Variants in VAV2 observed in about 807,000 individuals in gnomAD.
VAV2 encodes the protein vav guanine nucleotide exchange factor 2.
VAV2 carries 67 observed loss-of-function variants against 132.5 expected under a neutral mutation model. The observed-to-expected ratio is 0.51, with a 90% CI of 0.42 to 0.62. The LOEUF is 0.62. Ranked by LOEUF, VAV2 falls within the 20% of genes least tolerant of loss-of-function variation. The pLI is 0.00. For synonymous variants in VAV2, 492 were observed against 443.5 expected, an observed-to-expected ratio of 1.11 and a Z score of -1.37; for missense variants, 938 against 1,153.6, an observed-to-expected ratio of 0.81 and a Z score of 2.71.
chr9:133,857,539 G>A lies in VAV2; in HGVS notation c.380+3835C>T, dbSNP rs1837431118. Reference sequence around the variant, plus strand: ...GAGATTCTTCAGGGCTGTGGGCTTGGCTTGTGGGTTTTCAAGAAGGAAAGG... The same window carrying A: ...GAGATTCTTCAGGGCTGTGGGCTTGACTTGTGGGTTTTCAAGAAGGAAAGG... On this transcript the variant is annotated intron_variant, in intron 3 of 29. Coordinates refer to ENST00000371850, the MANE Select transcript of VAV2 (RefSeq NM_001134398.2). This position sits in a 1 kb window ranked among gnomAD's most constrained non-coding sequence, Gnocchi z 4.0. 6.6e-6 allele frequency among the ~76,000 whole-genome samples: 1 copy of A among 152,124 alleles called. No individual in the cohort carries two copies. Among genetic ancestry groups the A allele is most frequent in the African/African-American group, 2.4e-5 (1 of 41,414 alleles).
chr9:133,945,390 GCT>G (rs1841322566), intron 1 of VAV2, among the ~76,000 whole-genome samples: 1 of 152,228 alleles, frequency 6.6e-6, no homozygotes, highest in Non-Finnish European at 1.5e-5. Context: ...AGAGGAGGGG[GCT>G]GACCTGATTG....
chr9:133,901,020 C>T (rs1839421081), intron 2 of VAV2, among the ~76,000 whole-genome samples: 1 of 151,816 alleles, frequency 6.6e-6, no homozygotes, highest in Non-Finnish European at 1.5e-5. Context: ...GGCTGGTCTC[C>T]AACTCCTGAC....
intron 3 of VAV2, among the ~76,000 whole-genome samples, chr9:133,837,652 T>C (rs1836524023): frequency 6.6e-6 from 1 of 150,558 alleles, no homozygotes; most frequent in Non-Finnish European, 1.5e-5. Flanking sequence ...TGAGCCAAGA[T>C]CGTGCCATTT....
intron 2 of VAV2, among the ~76,000 whole-genome samples, chr9:133,866,839 T>C (rs542504526): frequency 6.6e-6 from 1 of 151,578 alleles, no homozygotes; most frequent in South Asian, 2.1e-4. Context: ...CCTGCCAATT[T>C]TGCCATTATG....
At chr9:133,832,597 C>T (rs148127045) in intron 4 of VAV2, among the ~76,000 whole-genome samples, 5,761 of 151,764 alleles carry the variant, frequency 0.038, 337 homozygotes, top group African/African-American at 0.13. Context: ...TCACTCTTGT[C>T]GCCCAGGCTG....
intron 2 of VAV2, among the ~76,000 whole-genome samples, chr9:133,937,730 G>A (rs1431327859): frequency 1.3e-5 from 2 of 152,174 alleles, no homozygotes; most frequent in Admixed American, 6.5e-5. Flanking sequence ...ACAGGCCCAG[G>A]CCATTCAAGC....
intron 2 of VAV2, among the ~76,000 whole-genome samples, chr9:133,910,018 C>CGA (rs1839821346): frequency 6.6e-6 from 1 of 151,958 alleles, no homozygotes; most frequent in Non-Finnish European, 1.5e-5. Context: ...ACGAGCTATG[C>CGA]CAGGCCATGT....
chr9:133,899,648 G>A lies in VAV2; in HGVS notation c.322-38216C>T, dbSNP rs548709352. Reference sequence around the variant, plus strand: ...TGGTCTCGAACTCCTGACCTCAGGCGATCCACCCACCTCGGCCTCCCAAAG... The same window carrying A: ...TGGTCTCGAACTCCTGACCTCAGGCAATCCACCCACCTCGGCCTCCCAAAG... On this transcript the variant is annotated intron_variant, in intron 2 of 29. Transcript: ENST00000371850. Among the ~76,000 whole-genome samples the A allele has an allele frequency of 5.3e-5, 8 of 149,870 alleles. No individual in the cohort carries two copies. The South Asian group carries it at 1.1e-3, about 20-fold the overall frequency.
At chr9:133,892,860 G>C (rs955813773) in intron 2 of VAV2, among the ~76,000 whole-genome samples, 1 of 152,214 alleles carries the variant, frequency 6.6e-6, no homozygotes, top group African/African-American at 2.4e-5. Context: ...AGCATTCCAG[G>C]TTCTTGTAAG....
intron 2 of VAV2, among the ~76,000 whole-genome samples, chr9:133,924,125 A>G (rs1415137490): frequency 6.6e-6 from 1 of 152,160 alleles, no homozygotes; most frequent in African/African-American, 2.4e-5. Flanking sequence ...TGTACCCTAA[A>G]ACTTAAAGTA....
In VAV2 at chr9:133,833,983, G is replaced by C. The variant is rs1836363163; in HGVS notation, c.449+289C>G. Among the ~76,000 whole-genome samples, 1 of 152,202 alleles carries C rather than the reference G, an allele frequency of 6.6e-6. No homozygotes were observed. ...AAGCCCTCATGGAGGACCCTGCTAG[G>C]GCAATGGGCCAACACCCGGGCCAGC... On this transcript the variant is annotated intron_variant, in intron 4 of 29. Transcript: ENST00000371850. This position sits in a 1 kb window ranked among gnomAD's most constrained non-coding sequence, Gnocchi z 5.6.
intron 1 of VAV2, among the ~76,000 whole-genome samples, chr9:133,986,978 C>A (rs1234265522): frequency 6.6e-6 from 1 of 151,528 alleles, no homozygotes; most frequent in East Asian, 1.9e-4. Flanking sequence ...CTGCGTGGCA[C>A]ACAGCAGGGT....
intron 1 of VAV2, among the ~76,000 whole-genome samples, chr9:133,949,407 T>C (rs1841480223): frequency 6.6e-6 from 1 of 152,232 alleles, no homozygotes; most frequent in African/African-American, 2.4e-5. Context: ...TGGAGACACG[T>C]GGCTGACACG....
chr9:133,780,459 T>G (rs1564338494), intron 20 of VAV2, among the ~76,000 whole-genome samples: 5 of 152,078 alleles, frequency 3.3e-5, no homozygotes, highest in African/African-American at 1.2e-4. Flanking sequence ...GAGCAGCCAC[T>G]GGGCAAGGGA....
At chr9:133,843,513 C>T (rs907247236) in intron 3 of VAV2, among the ~76,000 whole-genome samples, 1 of 152,116 alleles carries the variant, frequency 6.6e-6, no homozygotes, top group Admixed American at 6.5e-5. Context: ...CCCAGAGTTC[C>T]AGCTTTGTAT....
intron 1 of VAV2, among the ~76,000 whole-genome samples, chr9:133,988,901 A>G (rs1408310749): frequency 6.6e-6 from 1 of 152,028 alleles, no homozygotes; most frequent in Admixed American, 6.6e-5. Flanking sequence ...CGCCGCCTCT[A>G]CTAAAAATAC....
intron 2 of VAV2, among the ~76,000 whole-genome samples, chr9:133,920,795 G>A (rs189367926): frequency 1.6e-4 from 25 of 152,206 alleles, no homozygotes; most frequent in African/African-American, 6.0e-4. Context: ...CTGACGACAC[G>A]GGGCCGCACC....
chr9:133,950,131 ACT>A (rs942994132), intron 1 of VAV2, among the ~76,000 whole-genome samples: 16 of 152,098 alleles, frequency 1.1e-4, no homozygotes, highest in African/African-American at 3.6e-4. Context: ...AAAGAGAGAC[ACT>A]CTGGCTGCCC....
Position 133,991,095 on chromosome 9 carries a change from T to C in VAV2, c.204+980A>G, listed in dbSNP as rs934363173. On this transcript the variant is annotated intron_variant, in intron 1 of 29. Transcript: ENST00000371850. This position sits in a 1 kb window ranked among gnomAD's most constrained non-coding sequence, Gnocchi z 4.8. ...CACTGGTGAATGGTCCCTCTCCACA[T>C]GGAGTTGCCACTGCGCGCGGTGAGG... Among the ~76,000 whole-genome samples the C allele has an allele frequency of 1.3e-5, 2 of 152,088 alleles. No individual in the cohort carries two copies. Among genetic ancestry groups the C allele is most frequent in the African/African-American group, 4.8e-5 (2 of 41,432 alleles).
Sources: gnomAD v4.1 joint callset for allele counts (sites outside exome capture counted in the v4.1 genomes callset) on GRCh38, gnomAD v4.1.1 for gene constraint, Gnocchi (gnomAD v3.1) non-coding constraint, MANE v1.5 for transcripts, NCBI Gene and HGNC (gene_info 2026-07-23, HGNC 2026-07-21) for gene names.